The following CNMD variants were observed in gnomAD, a reference collection of about 807,000 sequenced individuals.
The protein encoded by CNMD is leukocyte cell-derived chemotaxin 1.
CNMD carries 30 observed loss-of-function variants against 37.5 expected under a neutral mutation model. The observed-to-expected ratio is 0.80, with a 90% confidence interval of 0.60 to 1.09. CNMD has a LOEUF of 1.09. Ranked by LOEUF, CNMD falls within the 50% of genes least tolerant of loss-of-function variation. The pLI, the probability that CNMD is intolerant of heterozygous loss-of-function variation, is 0.00. For synonymous variants in CNMD, 167 were observed against 148.2 expected, an observed-to-expected ratio of 1.13 and a Z score of -0.92; for missense variants, 398 against 423.9, an observed-to-expected ratio of 0.94 and a Z score of 0.54.
rs752071097 is a variant in CNMD at position 52,724,124 on chromosome 13, G to A, written c.355-14C>T. On this transcript the variant is annotated splice_polypyrimidine_tract_variant and intron_variant, in intron 3 of 6. Transcript: ENST00000377962. ...TCCTGTGATGCCCTATGAAACAAAA[G>A]TGTATCCATCTATCTATCCATTTGT... is the stretch of plus-strand genomic sequence containing the variant. 3 of 1,550,460 alleles carry A rather than the reference G, an allele frequency of 1.9e-6. No individual in the cohort carries two copies. In the South Asian group the frequency reaches 3.3e-5, roughly 17 times the overall value.
intron 4 of CNMD, among the ~76,000 whole-genome samples, chr13:52,716,406 G>T (rs1384389540): frequency 6.6e-6 from 1 of 152,076 alleles, no homozygotes; most frequent in African/African-American, 2.4e-5. Flanking sequence ...TGGTATTTTA[G>T]TCATGAAGTC....
At chr13:52,705,467 T>C (rs1964159052) in intron 6 of CNMD, among the ~76,000 whole-genome samples, 1 of 152,336 alleles carries the variant, frequency 6.6e-6, no homozygotes, top group Non-Finnish European at 1.5e-5. Context: ...TCAGACTCAC[T>C]CTGTTCTTTA....
intron 3 of CNMD, among the ~76,000 whole-genome samples, chr13:52,728,642 C>A (rs369622687): frequency 6.6e-6 from 1 of 152,216 alleles, no homozygotes; most frequent in African/African-American, 2.4e-5. Context: ...GGAGATGATG[C>A]CTTCTTATGT....
At chr13:52,703,945 A>G (rs1964132912) in intron 6 of CNMD, 135 bp from the exon 7 acceptor site, 2 of 672,464 alleles carry the variant, frequency 3.0e-6, no homozygotes, top group Non-Finnish European at 4.9e-6. Flanking sequence ...GATCTTGTTT[A>G]CCCTGTCATT....
Position 52,712,851 on chromosome 13 carries a change from C to A in CNMD, c.487G>T (p.Val163Phe). The A allele has an allele frequency of 6.4e-7, 1 of 1,566,958 alleles. No homozygotes were observed. The highest frequency in any genetic ancestry group is 8.6e-7 in the Non-Finnish European group (1 of 1,161,948). The change falls in exon 5 of 7, where the codon GTC becomes TTC. Residue 163 changes from valine (V) to phenylalanine (F), a missense_variant. Coordinates refer to ENST00000377962, the MANE Select transcript of CNMD (RefSeq NM_007015.3). ...SSKLEGKIMP[V>F]KYEENSLIWV... ...ATAAGAGAATTTTCTTCATATTTGA[C>A]TGGCATGATCTTGCCTTCCTGAAAG...
At chr13:52,732,924 A>G (rs1784143407) in intron 3 of CNMD, among the ~76,000 whole-genome samples, 1 of 152,232 alleles carries the variant, frequency 6.6e-6, no homozygotes, top group African/African-American at 2.4e-5. Context: ...CCTAGAAGTA[A>G]AAAATGTTTT....
intron 5 of CNMD, among the ~76,000 whole-genome samples, chr13:52,711,566 G>A (rs1410976508): frequency 1.3e-5 from 2 of 152,120 alleles, no homozygotes; most frequent in East Asian, 1.9e-4. Flanking sequence ...GTGGCTTGTC[G>A]CTGAATCCTA....
intron 4 of CNMD, among the ~76,000 whole-genome samples, chr13:52,720,193 GTTC>G (rs1733554841): frequency 6.6e-6 from 1 of 152,082 alleles, no homozygotes; most frequent in South Asian, 2.1e-4. Context: ...GGTCATTTAA[GTTC>G]TTCTTTAAAA....
At chr13:52,721,421 G>A (rs1964479910) in intron 4 of CNMD, among the ~76,000 whole-genome samples, 1 of 152,234 alleles carries the variant, frequency 6.6e-6, no homozygotes, top group Non-Finnish European at 1.5e-5. Context: ...CCCTGGTGGT[G>A]TAGGCACCCA....
intron 2 of CNMD, among the ~76,000 whole-genome samples, chr13:52,736,183 A>G (rs1964759357): frequency 6.6e-6 from 1 of 152,078 alleles, no homozygotes; most frequent in South Asian, 2.1e-4. Flanking sequence ...TTTAGTAGAG[A>G]CAGGGTTTCA....
chr13:52,709,955 G>C (rs539723308), intron 5 of CNMD, among the ~76,000 whole-genome samples: 2 of 152,034 alleles, frequency 1.3e-5, no homozygotes, highest in African/African-American at 4.8e-5. Flanking sequence ...CCTGGGTGAC[G>C]AGTGAAACTC....
intron 2 of CNMD, among the ~76,000 whole-genome samples, chr13:52,733,770 A>G (rs1229813011): frequency 6.6e-6 from 1 of 152,172 alleles, no homozygotes; most frequent in Non-Finnish European, 1.5e-5. Context: ...GTTGAGCACT[A>G]TTGATGGATA....
At chr13:52,709,191 G>T (rs573550200) in intron 5 of CNMD, among the ~76,000 whole-genome samples, 1 of 152,196 alleles carries the variant, frequency 6.6e-6, no homozygotes. Flanking sequence ...GAACACAGAT[G>T]TGATATCTGG....
intron 2 of CNMD, 78 bp downstream of exon 2, chr13:52,738,953 C>T: frequency 1.5e-6 from 2 of 1,326,002 alleles, no homozygotes; most frequent in Non-Finnish European, 1.9e-6. Flanking sequence ...GCGCGCCCCT[C>T]GCCGGCCCGC....
intron 5 of CNMD, among the ~76,000 whole-genome samples, chr13:52,711,329 G>C (rs1964286679): frequency 6.6e-6 from 1 of 152,188 alleles, no homozygotes; most frequent in Admixed American, 6.5e-5. Flanking sequence ...GGTGGTGGCA[G>C]GTGTGGAACA....
intron 4 of CNMD, among the ~76,000 whole-genome samples, chr13:52,721,402 A>C (rs1475100720): frequency 6.6e-6 from 1 of 152,190 alleles, no homozygotes; most frequent in Non-Finnish European, 1.5e-5. Flanking sequence ...ACCCAGTTGA[A>C]ACCCAGGGCC....
In CNMD at chr13:52,730,167, G is replaced by T. The variant is rs970491223; in HGVS notation, c.354+3052C>A. ...GGACATGAACTCATCATTTTTTATG[G>T]CTGCATAGTATTCCATGGTGTATAT... On this transcript the variant is annotated intron_variant, in intron 3 of 6. Transcript: ENST00000377962. Among the ~76,000 whole-genome samples the T allele has an allele frequency of 4.4e-4, 67 of 152,014 alleles. No homozygotes were observed. The East Asian group carries it at 0.011, about 25-fold the overall frequency.
In CNMD at chr13:52,738,707, C is replaced by T. The variant is rs1964818405; in HGVS notation, c.213+324G>A. Among the ~76,000 whole-genome samples the T allele has an allele frequency of 3.3e-5, 5 of 152,302 alleles. No homozygotes were observed. In the South Asian group the frequency reaches 1.0e-3, roughly 32 times the overall value. ...ATTTTTTCCCTTCAGGACGAGTACA[C>T]TGAGGCCAAAAGGTGACGTGCCTTC... is the stretch of plus-strand genomic sequence containing the variant. On this transcript the variant is annotated intron_variant, in intron 2 of 6. Coordinates refer to ENST00000377962, the MANE Select transcript of CNMD (RefSeq NM_007015.3).
intron 4 of CNMD, among the ~76,000 whole-genome samples, chr13:52,721,285 A>G (rs1375536559): frequency 2.0e-5 from 3 of 152,182 alleles, no homozygotes; most frequent in Admixed American, 2.0e-4. Flanking sequence ...CCCTGGCTTC[A>G]GCCCCCTTTC....
Sources: allele counts gnomAD v4.1 joint callset (sites outside exome capture counted in the v4.1 genomes callset), GRCh38; gene constraint gnomAD v4.1.1; transcripts MANE v1.5; gene names NCBI Gene and HGNC (gene_info 2026-07-23, HGNC 2026-07-21).